The following VPS54 variants were observed in gnomAD, a reference collection of about 807,000 sequenced individuals.
VPS54 encodes the protein VPS54 subunit of GARP complex, also known as vacuolar protein sorting-associated protein 54.
Under a neutral mutation model 121.5 loss-of-function variants are expected in VPS54, and 45 were observed. The observed-to-expected ratio is 0.37, with a 90% CI of 0.29 to 0.47. VPS54 has a LOEUF of 0.47. Ranked by LOEUF, VPS54 falls within the 20% of genes least tolerant of loss-of-function variation. The probability of loss-of-function intolerance (pLI) is 0.99; values close to 1 mark genes in which losing one functional copy is unlikely to be tolerated. For missense variants in VPS54, 1,090 were observed against 1,131.4 expected (o/e 0.96, Z 0.52); for synonymous variants, 371 against 385.8 (o/e 0.96, Z 0.45).
intron 11 of VPS54, among the ~76,000 whole-genome samples, chr2:63,937,190 C>G (rs940057634): frequency 4.6e-5 from 7 of 151,968 alleles, no homozygotes; most frequent in Non-Finnish European, 7.4e-5. Context: ...TCAAAAGACA[C>G]CATTAACAGA....
intron 17 of VPS54, 197 bp downstream of exon 17, chr2:63,913,985 A>G: frequency 7.9e-7 from 1 of 1,264,410 alleles, no homozygotes; most frequent in Non-Finnish European, 1.1e-6. Flanking sequence ...GTGAATGAGG[A>G]TCACTAACTG....
intron 1 of VPS54, among the ~76,000 whole-genome samples, chr2:64,008,697 G>C (rs943780358): frequency 6.6e-6 from 1 of 152,102 alleles, no homozygotes; most frequent in African/African-American, 2.4e-5. Context: ...GAAATCAGCT[G>C]GGACTGCAGG....
chr2:63,981,576 A>G (rs1004963521), intron 3 of VPS54, 70 bp downstream of exon 3: 5 of 1,481,728 alleles, frequency 3.4e-6, no homozygotes, highest in African/African-American at 2.8e-5. Flanking sequence ...TCAAAAATCT[A>G]TAATAAAGCA....
chr2:63,998,365 T>G (rs957816243), intron 1 of VPS54, among the ~76,000 whole-genome samples: 18 of 152,198 alleles, frequency 1.2e-4, no homozygotes, highest in African/African-American at 4.3e-4. Flanking sequence ...CCATGCAGCC[T>G]CTTTATGTCT....
At chr2:63,947,876 G>A in intron 8 of VPS54, among the ~76,000 whole-genome samples, 1 of 152,096 alleles carries the variant, frequency 6.6e-6, no homozygotes, top group East Asian at 1.9e-4. Flanking sequence ...CCACTCTGTT[G>A]CCAAGGCTGG....
intron 15 of VPS54, among the ~76,000 whole-genome samples, chr2:63,919,152 C>A (rs1462591200): frequency 1.3e-5 from 2 of 152,028 alleles, no homozygotes; most frequent in Non-Finnish European, 2.9e-5. Context: ...CACATGATGA[C>A]TCCACCTGAA....
chr2:63,931,875 C>T (rs927246773), intron 12 of VPS54, among the ~76,000 whole-genome samples: 1 of 152,160 alleles, frequency 6.6e-6, no homozygotes. Context: ...CAAAAGAGGA[C>T]ATTTATGTGG....
At chr2:63,923,318 G>GA (rs60458621) in intron 12 of VPS54, among the ~76,000 whole-genome samples, 27 of 150,064 alleles carry the variant, frequency 1.8e-4, no homozygotes, top group South Asian at 2.1e-4. Context: ...AAAAAAAAAA[G>GA]AAAAAAAAAT....
Position 63,919,964 on chromosome 2 carries a change from C to T in VPS54, c.2083G>A (p.Ala695Thr). 1 of 1,612,200 alleles carries T rather than the reference C, an allele frequency of 6.2e-7. No homozygotes were observed. The highest frequency in any genetic ancestry group is 8.5e-7 in the Non-Finnish European group (1 of 1,178,772). ...LLLDNERWKQ[A>T]DVPAEFQDLV... ...TCCTGAAATTCTGCAGGAACATCTG[C>T]TTGCTTCCAGCGCTCATTGTCTAAG... is the stretch of plus-strand genomic sequence containing the variant. Residue 695 changes from alanine to threonine, a missense_variant, in exon 15 of 23, where the codon GCA (alanine) becomes ACA (threonine). By Grantham distance (58) the Ala-to-Thr change is moderately conservative. Transcript: ENST00000272322.
At chr2:64,001,198 T>C (rs1256620234) in intron 1 of VPS54, among the ~76,000 whole-genome samples, 1 of 152,148 alleles carries the variant, frequency 6.6e-6, no homozygotes, top group African/African-American at 2.4e-5. Flanking sequence ...CTACTGTCAA[T>C]GTTCACAAGA....
chr2:64,005,848 T>TA (rs1678118298), intron 1 of VPS54, among the ~76,000 whole-genome samples: 2 of 152,142 alleles, frequency 1.3e-5, no homozygotes, highest in Non-Finnish European at 2.9e-5. Context: ...CTACAGACCC[T>TA]ACAAGAGTCT....
chr2:63,941,850 A>G (rs1358611737), intron 11 of VPS54, among the ~76,000 whole-genome samples: 3 of 152,154 alleles, frequency 2.0e-5, no homozygotes, highest in Middle Eastern at 3.4e-3. Context: ...CCTGGCCAAC[A>G]TGGTGAAACC....
chr2:63,942,600 C>A, intron 10 of VPS54, 39 bp from the exon 11 acceptor site: 1 of 1,485,486 alleles, frequency 6.7e-7, no homozygotes, highest in East Asian at 2.5e-5. Context: ...ATGATTGTCT[C>A]TGGGCCAATC....
intron 1 of VPS54, among the ~76,000 whole-genome samples, chr2:63,999,946 T>G (rs1049214228): frequency 6.6e-6 from 1 of 151,064 alleles, no homozygotes; most frequent in African/African-American, 2.4e-5. Flanking sequence ...CTGCAACCTC[T>G]GCCTCCCAGG....
At chr2:63,914,396 T>C (rs1673286466) in intron 16 of VPS54, 109 bp from the exon 17 acceptor site, 1 of 727,420 alleles carries the variant, frequency 1.4e-6, no homozygotes, top group Non-Finnish European at 2.4e-6. Context: ...TCTGAGAATA[T>C]AATGACCTTG....
intron 5 of VPS54, among the ~76,000 whole-genome samples, chr2:63,967,550 C>G (rs570681803): frequency 1.3e-5 from 2 of 151,680 alleles, no homozygotes; most frequent in African/African-American, 4.8e-5. Flanking sequence ...AAAACCCCGT[C>G]TCTTCTAAAA....
At chr2:63,937,634 A>G (rs1447992113) in intron 11 of VPS54, among the ~76,000 whole-genome samples, 1 of 152,180 alleles carries the variant, frequency 6.6e-6, no homozygotes, top group Non-Finnish European at 1.5e-5. Context: ...AGAAATTCCA[A>G]TTCTGGGGTT....
At chr2:63,898,643 A>T (rs1388058949) in intron 21 of VPS54, among the ~76,000 whole-genome samples, 1 of 152,194 alleles carries the variant, frequency 6.6e-6, no homozygotes, top group Non-Finnish European at 1.5e-5. Flanking sequence ...AGAGAGACAA[A>T]CTGAAATAAA....
intron 7 of VPS54, among the ~76,000 whole-genome samples, chr2:63,961,039 CATCATACTATATTACACTAT>C (rs1675745050): frequency 2.0e-5 from 3 of 152,298 alleles, no homozygotes; most frequent in African/African-American, 7.2e-5. Context: ...TCTTTCCATT[CATCATACTATATTACACTAT>C]ATCATAACTA....
Sources: allele counts gnomAD v4.1 joint callset (sites outside exome capture counted in the v4.1 genomes callset), GRCh38; gene constraint gnomAD v4.1.1; transcripts MANE v1.5; gene names NCBI Gene and HGNC (gene_info 2026-07-23, HGNC 2026-07-21).